Variants in ARHGAP30 observed in about 807,000 individuals in gnomAD.
The protein encoded by ARHGAP30 is Rho GTPase activating protein 30, also known as rho GTPase-activating protein 30.
ARHGAP30 carries 23 observed loss-of-function variants against 72.0 expected under a neutral mutation model. That is an observed-to-expected ratio of 0.32 (90% CI 0.23 to 0.45). The LOEUF is 0.45. ARHGAP30 is among the 20% of genes least tolerant of loss of function. The pLI is 1.00. For missense variants in ARHGAP30, 1,319 were observed against 1,383.4 expected, an observed-to-expected ratio of 0.95 and a Z score of 0.74; for synonymous variants, 576 against 528.2, an observed-to-expected ratio of 1.09 and a Z score of -1.24.
chr1:161,064,686 G>A (rs1313632465), intron 1 of ARHGAP30, among the ~76,000 whole-genome samples: 7 of 151,716 alleles, frequency 4.6e-5, no homozygotes, highest in African/African-American at 7.3e-5. Context: ...GAGCCCAGGA[G>A]TTTGAGGCTG....
rs745949477 is a variant in ARHGAP30, at chr1:161,051,571, G to A, written c.1163C>T (p.Thr388Ile). The A allele has an allele frequency of 6.2e-7, 1 of 1,614,042 alleles. No homozygotes were observed. Residue 388 changes from threonine (T) to isoleucine (I), a missense_variant, in exon 10 of 12, where the codon ACA becomes ATA. Transcript: ENST00000368013. ...ALGGTNSEPG[T>I]PRAGRSAIRA... is the part of the protein sequence containing the mutation. ...GATGGCTGACCGCCCAGCTCGTGGT[G>A]TGCCTGGTTCAGAGTTTGTGCCACC... is the stretch of plus-strand genomic sequence containing the variant.
At position 161,058,644 on chromosome 1, in the gene ARHGAP30, G is replaced by GA. The variant is rs202003745; in HGVS notation, c.200+969dup. Among the ~76,000 whole-genome samples, 55 of 105,930 alleles carry GA rather than the reference G, an allele frequency of 5.2e-4. No individual in the cohort carries two copies. In the South Asian group the frequency reaches 0.011, roughly 21 times the overall value. The allele number at this position is 105,930 out of a possible 152,430, so 69.5% of individuals were successfully genotyped here. A position where few individuals can be genotyped will look rare whatever the true frequency, so the allele number is the denominator to read the frequency against. On this transcript the variant is annotated intron_variant, in intron 2 of 11. Transcript: ENST00000368013. Reference sequence around the variant, plus strand: ...TCTGTCTCAAAAAAAAAAAAAAATTGAAAAAAAAAATATTAAGACCAGCCT... The same window carrying GA: ...TCTGTCTCAAAAAAAAAAAAAAATTGAAAAAAAAAAATATTAAGACCAGCCT...
intron 6 of ARHGAP30, 172 bp from the exon 7 acceptor site, chr1:161,052,969 G>A: frequency 1.0e-6 from 1 of 959,630 alleles, no homozygotes; most frequent in South Asian, 1.7e-5. Flanking sequence ...TGGACAAAGA[G>A]GGCTGGGAGA....
Position 161,048,290 on chromosome 1 carries a change from A to G in ARHGAP30, c.2731T>C (p.Cys911Arg). 1 of 1,614,190 alleles carries G rather than the reference A, an allele frequency of 6.2e-7. No homozygotes were observed. The highest frequency in any genetic ancestry group is 8.5e-7 in the Non-Finnish European group (1 of 1,180,018). ...EGQPSPDGCLCPCSLGLGGVG... is the reference protein window; with the variant it reads ...EGQPSPDGCLRPCSLGLGGVG... The stretch of plus-strand genomic sequence containing the variant: ...CCACCCAGGCCAAGAGAACAGGGGC[A>G]TAGACAGCCGTCTGGACTGGGCTGC... The change falls in exon 12 of 12, where the codon TGC becomes CGC. Residue 911 changes from cysteine to arginine, a missense_variant. Physicochemically the swap from Cys to Arg is radical, Grantham distance 180. Around this residue, in one of 2 missense-constraint regions of ARHGAP30, gnomAD observed 1,097 missense variants for 1,045.2 expected, o/e 1.05. Transcript: ENST00000368013.
chr1:161,055,526 A>G (rs190584569), intron 3 of ARHGAP30, among the ~76,000 whole-genome samples: 4 of 152,206 alleles, frequency 2.6e-5, no homozygotes, highest in East Asian at 3.9e-4. Flanking sequence ...GCAGGGGCTC[A>G]TGCCTGTAAT....
chr1:161,051,120 C>T (rs541042893), intron 10 of ARHGAP30, among the ~76,000 whole-genome samples, 194 bp downstream of exon 10: 1 of 152,360 alleles, frequency 6.6e-6, no homozygotes, highest in Admixed American at 6.5e-5. Flanking sequence ...GATCTCCTCT[C>T]CATAGATTTC....
At chr1:161,063,810 C>T (rs372564575) in intron 1 of ARHGAP30, among the ~76,000 whole-genome samples, 4 of 152,130 alleles carry the variant, frequency 2.6e-5, no homozygotes, top group Non-Finnish European at 4.4e-5. Context: ...ACGCCCCCCC[C>T]ACCGGGGCGT....
chr1:161,051,215 G>A, intron 10 of ARHGAP30, 99 bp downstream of exon 10: 1 of 1,488,892 alleles, frequency 6.7e-7, no homozygotes, highest in Non-Finnish European at 8.9e-7. Context: ...CCCAAGGGCT[G>A]AGGCCTCTGC....
intron 3 of ARHGAP30, among the ~76,000 whole-genome samples, chr1:161,055,525 C>T (rs547863689): frequency 4.8e-4 from 73 of 152,112 alleles, no homozygotes; most frequent in Admixed American, 1.2e-3. Flanking sequence ...CGCAGGGGCT[C>T]ATGCCTGTAA....
Position 161,057,740 on chromosome 1 carries a change from C to T in ARHGAP30, c.201-1208G>A, listed in dbSNP as rs143371251. On this transcript the variant is annotated intron_variant, in intron 2 of 11. Coordinates refer to ENST00000368013, the MANE Select transcript of ARHGAP30 (RefSeq NM_001025598.2). ...GCTATAATAAAAAAGGTAGGCCGGG[C>T]GCAGTGGCTCATGCCTGTAATCCCA... Among the ~76,000 whole-genome samples, 613 of 152,202 alleles carry T rather than the reference C, an allele frequency of 4.0e-3. 8 individuals are homozygous for T. The highest frequency in any genetic ancestry group is 0.014 in the African/African-American group (594 of 41,500).
At chr1:161,058,976 G>A (rs1023036749) in intron 2 of ARHGAP30, among the ~76,000 whole-genome samples, 56 of 151,896 alleles carry the variant, frequency 3.7e-4, no homozygotes, top group Non-Finnish European at 7.4e-4. Context: ...TAAAAACAAC[G>A]GAGTTATACA....
At chr1:161,063,912 T>C (rs762563443) in intron 1 of ARHGAP30, among the ~76,000 whole-genome samples, 3 of 152,226 alleles carry the variant, frequency 2.0e-5, no homozygotes, top group Non-Finnish European at 4.4e-5. Context: ...AACTCTCGCC[T>C]AATAAATTTT....
At chr1:161,067,518 C>T (rs886984803) in intron 1 of ARHGAP30, among the ~76,000 whole-genome samples, 1 of 151,686 alleles carries the variant, frequency 6.6e-6, no homozygotes, top group Non-Finnish European at 1.5e-5. Flanking sequence ...TGCAGTGAGC[C>T]GAGATCACCC....
rs1653035345 is a variant in ARHGAP30, at chr1:161,069,720, GC to G, written c.-97del. 1 of 1,406,156 alleles carries G rather than the reference GC, an allele frequency of 7.1e-7. No individual in the cohort carries two copies. 87.1% of individuals were successfully genotyped at this position (1,406,156 alleles called of 1,614,324 possible). Reference sequence around the variant, plus strand: ...GGATCCCAGCCAGCTGCTGGGCTTGGCCCGGCCCCAGGGGGGCAGGGCTCCC... The same window carrying G: ...GGATCCCAGCCAGCTGCTGGGCTTGGCCGGCCCCAGGGGGGCAGGGCTCCC... On this transcript the variant is annotated 5_prime_UTR_variant, in exon 1 of 12. Transcript: ENST00000368013. This position sits in a 1 kb window ranked among gnomAD's most constrained non-coding sequence, Gnocchi z 4.9.
intron 10 of ARHGAP30, 32 bp downstream of exon 10, chr1:161,051,282 T>C (rs1320411970): frequency 2.6e-6 from 4 of 1,540,208 alleles, no homozygotes; most frequent in Non-Finnish European, 3.5e-6. Flanking sequence ...CCAGTCCCCT[T>C]TCCTAGTCTT....
intron 1 of ARHGAP30, among the ~76,000 whole-genome samples, chr1:161,064,793 AAG>A (rs775106810): frequency 1.9e-4 from 13 of 67,432 alleles, no homozygotes; most frequent in African/African-American, 8.7e-4. Context: ...GAAAGAAAGA[AAG>A]AAAGAAAGAA....
rs543323313 is a variant in ARHGAP30 at position 161,059,666 on chromosome 1, C to A, written c.148G>T (p.Val50Leu). 1 of 1,613,844 alleles carries A rather than the reference C, an allele frequency of 6.2e-7. No individual in the cohort carries two copies. Among genetic ancestry groups the A allele is most frequent in the Non-Finnish European group, 8.5e-7 (1 of 1,179,854 alleles). Residue 50 changes from valine (V) to leucine (L), a missense_variant, in exon 2 of 12, where the codon GTG becomes TTG. This residue lies in a region of ARHGAP30 where 222 missense variants were observed against 338.2 expected (regional missense o/e 0.66). Transcript: ENST00000368013. ...CCTGAGAGGCGGTAGATCCCATCCA[C>A]CACTCCATACTCCTCCACAAATTCT... ...CAEFVEEYGV[V>L]DGIYRLSGVS...
chr1:161,060,609 A>G (rs950261238), intron 1 of ARHGAP30, among the ~76,000 whole-genome samples: 4 of 151,872 alleles, frequency 2.6e-5, no homozygotes, highest in African/African-American at 9.7e-5. Context: ...AAAAAAAAAA[A>G]AAAAGGAAAG....
At chr1:161,066,622 G>A (rs1364325369) in intron 1 of ARHGAP30, among the ~76,000 whole-genome samples, 2 of 121,460 alleles carry the variant, frequency 1.6e-5, no homozygotes, top group South Asian at 6.0e-4. Context: ...TCCAGCCTGG[G>A]TGACAGAGCA....
Sources: allele counts gnomAD v4.1 joint callset (sites outside exome capture counted in the v4.1 genomes callset), GRCh38; gene constraint gnomAD v4.1.1; regional missense constraint gnomAD v4.1.1; non-coding constraint Gnocchi (gnomAD v3.1); transcripts MANE v1.5; gene names NCBI Gene and HGNC (gene_info 2026-07-23, HGNC 2026-07-21).